MAFG: variants seen among roughly 807,000 people sequenced by gnomAD.
MAFG encodes the protein transcription factor MafG.
In MAFG, 3 loss-of-function variants were observed where a neutral mutation model predicts 12.2. That is an observed-to-expected ratio of 0.25 (90% confidence interval 0.11 to 0.64). The LOEUF (loss-of-function observed/expected upper bound fraction) is 0.64, where lower values mean the gene tolerates loss of function less well. Ranked by LOEUF, MAFG falls within the 30% of genes least tolerant of loss-of-function variation. The pLI, the probability that MAFG is intolerant of heterozygous loss-of-function variation, is 0.85. For missense variants in MAFG, 153 were observed against 235.5 expected (o/e 0.65, Z 2.29); for synonymous variants, 126 against 109.1 (o/e 1.15, Z -0.96).
In MAFG at chr17:81,926,701, T is replaced by A. The variant is rs1481207072; in HGVS notation, c.-30+827A>T. 6.6e-6 allele frequency among the ~76,000 whole-genome samples: 1 copy of A among 152,160 alleles called. No individual in the cohort carries two copies. The highest frequency in any genetic ancestry group is 1.5e-5 in the Non-Finnish European group (1 of 68,026). ...GACCAGCTGCCGGAAAAGAGCCGCC[T>A]GGGAAGGGGTGGACCGCCCGGGGCT... On this transcript the variant is annotated intron_variant, in intron 1 of 2. Coordinates refer to ENST00000357736, the MANE Select transcript of MAFG (RefSeq NM_002359.4). This position sits in a 1 kb window ranked among gnomAD's most constrained non-coding sequence, Gnocchi z 4.6.
At position 81,924,251 on chromosome 17, in the gene MAFG, T is replaced by A. The variant is rs1399109264; in HGVS notation, c.-29-1037A>T. On this transcript the variant is annotated intron_variant, in intron 1 of 2. Coordinates refer to ENST00000357736, the MANE Select transcript of MAFG (RefSeq NM_002359.4). This position sits in a 1 kb window ranked among gnomAD's most constrained non-coding sequence, Gnocchi z 4.7. ...CAGGGCCAGGGAGCAAAAACAAAAGTGCTGGGGTGGCCGGACTTAACAACC... is the reference window on the plus strand; with the variant it reads ...CAGGGCCAGGGAGCAAAAACAAAAGAGCTGGGGTGGCCGGACTTAACAACC... 6.6e-6 allele frequency: 1 copy of A among 152,238 alleles called. No individual in the cohort carries two copies. Among genetic ancestry groups the A allele is most frequent in the Non-Finnish European group, 1.5e-5 (1 of 68,070 alleles). The allele number at this position is 152,238 out of a possible 1,614,324, so 9.4% of individuals were successfully genotyped here. A position where few individuals can be genotyped will look rare whatever the true frequency, so the allele number is the denominator to read the frequency against.
At position 81,922,713 on chromosome 17, in the gene MAFG, CGCCACGGGGCTGCGG is replaced by C; in HGVS notation, c.366_380del (p.Arg123_Ala127del). 6.5e-7 allele frequency: 1 copy of C among 1,540,944 alleles called. No homozygotes were observed. The highest frequency in any genetic ancestry group is 8.7e-7 in the Non-Finnish European group (1 of 1,146,226). On this transcript the variant is annotated inframe_deletion, in exon 3 of 3. Transcript: ENST00000357736. ...CGGCGGCAAGGGGGCCCCGGGCTGG[CGCCACGGGGCTGCGG>C]GCCACCGTCCGGGCGAAGGTCTGCA... is the stretch of plus-strand genomic sequence containing the variant.
At chr17:81,925,972 G>C (rs922374349) in intron 1 of MAFG, among the ~76,000 whole-genome samples, 5 of 146,534 alleles carry the variant, frequency 3.4e-5, no homozygotes, top group African/African-American at 1.0e-4. Context: ...GTGTATGTGT[G>C]GGGGGTGCTC....
At position 81,922,723 on chromosome 17, in the gene MAFG, C is replaced by A; in HGVS notation, c.371G>T (p.Ser124Ile). 1 of 1,562,320 alleles carries A rather than the reference C, an allele frequency of 6.4e-7. No homozygotes were observed. Among genetic ancestry groups the A allele is most frequent in the Non-Finnish European group, 8.7e-7 (1 of 1,153,194 alleles). The change falls in exon 3 of 3, where the codon AGC (serine) becomes ATC (isoleucine). Residue 124 changes from serine to isoleucine, a missense_variant. Ser to Ile is a moderately radical substitution (Grantham distance 142, BLOSUM62 -2). Coordinates refer to ENST00000357736, the MANE Select transcript of MAFG (RefSeq NM_002359.4). ...GGGGCCCCGGGCTGGCGCCACGGGG[C>A]TGCGGGCCACCGTCCGGGCGAAGGT... ...LQTFARTVAR[S>I]PVAPARGPLA... is the part of the protein sequence containing the mutation.
chr17:81,922,908 G>T lies in MAFG; in HGVS notation c.186C>A (p.Arg62=). Residue 62 remains arginine (R), a synonymous_variant, in exon 3 of 3, where the codon CGC becomes CGA. Transcript: ENST00000357736. ...TCACGCGGCAGCTGGCAGCGTAGCC[G>T]CGGTTCTTGAGCGTGCGCCGGCGCT... ...LKQRRRTLKN[R]GYAASCRVKR... 4 of 1,610,826 alleles carry T rather than the reference G, an allele frequency of 2.5e-6. No homozygotes were observed. The South Asian group carries it at 3.3e-5, about 13-fold the overall frequency.
rs543069651 is a variant in MAFG, at chr17:81,926,889, G to A, written c.-30+639C>T. On this transcript the variant is annotated intron_variant, in intron 1 of 2. Coordinates refer to ENST00000357736, the MANE Select transcript of MAFG (RefSeq NM_002359.4). This position sits in a 1 kb window ranked among gnomAD's most constrained non-coding sequence, Gnocchi z 4.6. ...CCACGGCTCCCTCCCACCTCCCGCT[G>A]GCGGCCTTTTAGTCCCCGAGGCCCC... is the stretch of plus-strand genomic sequence containing the variant. Among the ~76,000 whole-genome samples, 9 of 151,552 alleles carry A rather than the reference G, an allele frequency of 5.9e-5. No homozygotes were observed. The highest frequency in any genetic ancestry group is 2.2e-4 in the African/African-American group (9 of 41,314).
At chr17:81,923,294 A>C in intron 1 of MAFG, 80 bp from the exon 2 acceptor site, 1 of 817,802 alleles carries the variant, frequency 1.2e-6, no homozygotes, top group Non-Finnish European at 1.7e-6. Context: ...CCCAGTTCAC[A>C]AGAGCCCTTG....
rs768836662 is a variant in MAFG at position 81,918,336 on chromosome 17, A to G, written c.*4269T>C. 69 of 417,314 alleles carry G rather than the reference A, an allele frequency of 1.7e-4. No homozygotes were observed. Among genetic ancestry groups the G allele is most frequent in the Admixed American group, 2.8e-4 (6 of 21,390 alleles). 25.9% of individuals were successfully genotyped at this position (417,314 alleles called of 1,614,324 possible). A position where few individuals can be genotyped will look rare whatever the true frequency, so the allele number is the denominator to read the frequency against. ...ACCTTATATATCACAAACATACACT[A>G]TGTACAGCAATAAATACCCGGGGGG... On this transcript the variant is annotated 3_prime_UTR_variant, in exon 3 of 3. Transcript: ENST00000357736.
upstream of MAFG, chr17:81,929,452 G>C (rs1392382350): frequency 6.6e-6 from 1 of 152,302 alleles, no homozygotes; most frequent in African/African-American, 2.4e-5. The surrounding 1 kb of genome is among the most constrained non-coding windows in gnomAD (Gnocchi z 5.7). Context: ...CAAACCCCTA[G>C]GACCTGTCTC....
At chr17:81,929,634 C>T (rs998674888), upstream of MAFG, 3 of 152,386 alleles carry the variant, frequency 2.0e-5, no homozygotes, top group Admixed American at 2.0e-4. The surrounding 1 kb of genome is among the most constrained non-coding windows in gnomAD (Gnocchi z 5.7). Flanking sequence ...ACCATGAGGC[C>T]ACCAGAACCG....
At chr17:81,930,505 A>C (rs1379643110), upstream of MAFG, 2 of 151,882 alleles carry the variant, frequency 1.3e-5, no homozygotes, top group African/African-American at 4.8e-5. This position sits in a 1 kb window ranked among gnomAD's most constrained non-coding sequence, Gnocchi z 4.1. Flanking sequence ...TACAAGAAAA[A>C]AAAAAAAAAA....
At chr17:81,925,669 G>A (rs913742661) in intron 1 of MAFG, among the ~76,000 whole-genome samples, 2 of 152,020 alleles carry the variant, frequency 1.3e-5, no homozygotes, top group Non-Finnish European at 2.9e-5. Context: ...ATAGCCGGGC[G>A]TCGTGGTGGG....
At chr17:81,925,200 T>G (rs1202865713) in intron 1 of MAFG, among the ~76,000 whole-genome samples, 1 of 149,378 alleles carries the variant, frequency 6.7e-6, no homozygotes, top group East Asian at 1.9e-4. Context: ...TCATGCACCC[T>G]CTGCTCCCAG....
rs373492879 is a variant in MAFG, at chr17:81,922,735, G to A, written c.359C>T (p.Thr120Met). ...KYEALQTFAR[T>M]VARSPVAPAR... ...TGGCGCCACGGGGCTGCGGGCCACC[G>A]TCCGGGCGAAGGTCTGCAGCGCCTC... The change falls in exon 3 of 3, where the codon ACG becomes ATG. Residue 120 changes from threonine to methionine, a missense_variant. Transcript: ENST00000357736. 8 of 1,574,294 alleles carry A rather than the reference G, an allele frequency of 5.1e-6. No homozygotes were observed. Among genetic ancestry groups the A allele is most frequent in the African/African-American group, 1.3e-5 (1 of 74,126 alleles).
rs552180565 is a variant in MAFG, at chr17:81,925,932, G to A, written c.-30+1596C>T. On this transcript the variant is annotated intron_variant, in intron 1 of 2. Coordinates refer to ENST00000357736, the MANE Select transcript of MAFG (RefSeq NM_002359.4). ...AAACATCTGGAATCTATAAGCCCCG[G>A]GGCTCACTGAGAGTGGACCTGTGTT... Among the ~76,000 whole-genome samples the A allele has an allele frequency of 3.9e-3, 584 of 149,032 alleles. 4 individuals are homozygous for A. Among genetic ancestry groups the A allele is most frequent in the Middle Eastern group, 0.028 (8 of 290 alleles).
At position 81,919,622 on chromosome 17, in the gene MAFG, C is replaced by A. The variant is rs141099659; in HGVS notation, c.*2983G>T. On this transcript the variant is annotated 3_prime_UTR_variant, in exon 3 of 3. Coordinates refer to ENST00000357736, the MANE Select transcript of MAFG (RefSeq NM_002359.4). ...TTGAGAGACCTGGCCTTGGCCAAAG[C>A]CCTCGATTCGCTGTGTCAGAAAAAC... 3,041 of 152,400 alleles carry A rather than the reference C, an allele frequency of 0.02. 92 individuals carry two copies. The highest frequency in any genetic ancestry group is 0.067 in the African/African-American group (2,805 of 41,566). The allele number at this position is 152,400 out of a possible 1,614,324, so 9.4% of individuals were successfully genotyped here.
At chr17:81,929,314 C>T (rs1476586324), upstream of MAFG, among the ~76,000 whole-genome samples, 4 of 152,196 alleles carry the variant, frequency 2.6e-5, no homozygotes, top group African/African-American at 9.6e-5. The surrounding 1 kb of genome is among the most constrained non-coding windows in gnomAD (Gnocchi z 5.7). Context: ...TGCCCAGGCT[C>T]CTTTGCTGCC....
chr17:81,927,475 G>A (rs1392997467), intron 1 of MAFG, 53 bp downstream of exon 1: 2 of 146,324 alleles, frequency 1.4e-5, no homozygotes, highest in African/African-American at 4.9e-5. Context: ...GGCCCCCGCC[G>A]CCCCCGCCGC....
rs1460164881 is a variant in MAFG at position 81,920,386 on chromosome 17, T to C, written c.*2219A>G. ...TATTGGATAAAAATCCCACCATCCA[T>C]AGGGTTAAGCCCTGTTGGGCCACAG... On this transcript the variant is annotated 3_prime_UTR_variant, in exon 3 of 3. Transcript: ENST00000357736. 2 of 152,222 alleles carry C rather than the reference T, an allele frequency of 1.3e-5. No individual in the cohort carries two copies. The highest frequency in any genetic ancestry group is 2.9e-5 in the Non-Finnish European group (2 of 68,040). 9.4% of individuals were successfully genotyped at this position (152,222 alleles called of 1,614,324 possible). A position where few individuals can be genotyped will look rare whatever the true frequency, so the allele number is the denominator to read the frequency against.
Sources: allele counts gnomAD v4.1 joint callset (sites outside exome capture counted in the v4.1 genomes callset), GRCh38; gene constraint gnomAD v4.1.1; non-coding constraint Gnocchi (gnomAD v3.1); transcripts MANE v1.5; gene names NCBI Gene and HGNC (gene_info 2026-07-23, HGNC 2026-07-21).